SIGLEC14: variants seen among roughly 807,000 people sequenced by gnomAD.
SIGLEC14 encodes the protein sialic acid-binding Ig-like lectin 14.
SIGLEC14 carries 11 observed loss-of-function variants against 34.2 expected under a neutral mutation model. The observed-to-expected ratio is 0.32, with a 90% CI of 0.20 to 0.53. The LOEUF (loss-of-function observed/expected upper bound fraction) is 0.53, where lower values mean the gene tolerates loss of function less well. SIGLEC14 is among the 20% of genes least tolerant of loss of function. The pLI, the probability that SIGLEC14 is intolerant of heterozygous loss-of-function variation, is 0.95. For synonymous variants in SIGLEC14, 99 were observed against 179.7 expected (o/e 0.55, Z 3.59); for missense variants, 264 against 439.0 (o/e 0.60, Z 3.56).
Position 51,643,266 on chromosome 19 carries a change from G to T in SIGLEC14, c.*89C>A. The T allele has an allele frequency of 7.9e-7, 1 of 1,258,702 alleles. No individual in the cohort carries two copies. The highest frequency in any genetic ancestry group is 1.1e-6 in the Non-Finnish European group (1 of 904,734). The allele number at this position is 1,258,702 out of a possible 1,614,324, so 78.0% of individuals were successfully genotyped here. A position where few individuals can be genotyped will look rare whatever the true frequency, so the allele number is the denominator to read the frequency against. ...AAGAGGGGTAGTCAGTGGGATGTGA[G>T]CTTCCAGAAAGAAGCTGACAGTGAT... On this transcript the variant is annotated 3_prime_UTR_variant, in exon 7 of 7. Transcript: ENST00000360844.
chr19:51,644,919 T>G (rs1983999096), intron 4 of SIGLEC14, among the ~76,000 whole-genome samples: 2 of 133,248 alleles, frequency 1.5e-5, no homozygotes, highest in African/African-American at 2.9e-5. Context: ...CTGTGGGAGG[T>G]GGGAAAGTCG....
Position 51,644,233 on chromosome 19 carries a change from T to C in SIGLEC14, c.755-197A>G, listed in dbSNP as rs187760752. Among the ~76,000 whole-genome samples, 21 of 137,636 alleles carry C rather than the reference T, an allele frequency of 1.5e-4. 6 individuals are homozygous for C. The highest frequency in any genetic ancestry group is 2.6e-4 in the Non-Finnish European group (17 of 64,458). The allele number at this position is 137,636 out of a possible 152,430, so 90.3% of individuals were successfully genotyped here. ...GGTGGCTGAGCTGAGAAAAGACAGA[T>C]GAGGAGGAGTTCTCACATTAAGGAG... On this transcript the variant is annotated intron_variant, in intron 4 of 6. Transcript: ENST00000360844.
Position 51,641,836 on chromosome 19 carries a change from T to G in SIGLEC14, c.*1519A>C, listed in dbSNP as rs116470803. Among the ~76,000 whole-genome samples the G allele has an allele frequency of 0.028, 3,942 of 138,408 alleles. 832 individuals are homozygous for G. The highest frequency in any genetic ancestry group is 0.1 in the African/African-American group (3,733 of 36,252). 90.8% of individuals were successfully genotyped at this position (138,408 alleles called of 152,430 possible). On this transcript the variant is annotated 3_prime_UTR_variant, in exon 7 of 7. Coordinates refer to ENST00000360844, the MANE Select transcript of SIGLEC14 (RefSeq NM_001098612.3). ...GGGAGAGGATGAGGAAAATAACTAATGGGTACTAGGCTTAATATCTGGGTG... is the reference window on the plus strand; with the variant it reads ...GGGAGAGGATGAGGAAAATAACTAAGGGGTACTAGGCTTAATATCTGGGTG...
chr19:51,645,671 T>A lies in SIGLEC14; in HGVS notation c.700+111A>T. Reference sequence around the variant, plus strand: ...CTGCCCACACACGAGTTTTCCCTGGTTATCATTCTCTTTCTCTCTCTCTCT... The same window carrying A: ...CTGCCCACACACGAGTTTTCCCTGGATATCATTCTCTTTCTCTCTCTCTCT... On this transcript the variant is annotated intron_variant, in intron 3 of 6. Coordinates refer to ENST00000360844, the MANE Select transcript of SIGLEC14 (RefSeq NM_001098612.3). The A allele has an allele frequency of 2.8e-6, 4 of 1,437,402 alleles. 1 individual carries two copies. The highest frequency in any genetic ancestry group is 3.7e-6 in the Non-Finnish European group (4 of 1,074,056). 89.0% of individuals were successfully genotyped at this position (1,437,402 alleles called of 1,614,324 possible).
rs1035956463 is a variant in SIGLEC14, at chr19:51,641,398, C to G, written c.*1957G>C. 2.2e-5 allele frequency among the ~76,000 whole-genome samples: 3 copies of G among 139,052 alleles called. No homozygotes were observed. The highest frequency in any genetic ancestry group is 8.2e-5 in the African/African-American group (3 of 36,576). 91.2% of individuals were successfully genotyped at this position (139,052 alleles called of 152,430 possible). A position where few individuals can be genotyped will look rare whatever the true frequency, so the allele number is the denominator to read the frequency against. On this transcript the variant is annotated 3_prime_UTR_variant, in exon 7 of 7. Transcript: ENST00000360844. ...GACAGTGTGGCGATTCCTCAAAGAC[C>G]TAAACATAGAAATACCATTCGACTC...
chr19:51,643,916 G>T lies in SIGLEC14; in HGVS notation c.875C>A (p.Ala292Asp). ...CATTGAGGTCTGGGAAGGATTGAGG[G>T]CTTTTCCCTCCCGGAACCAGCTCAG... ...ASLSWFREGK[A>D]LNPSQTSMSG... is the part of the protein sequence containing the mutation. Residue 292 changes from alanine to aspartate, a missense_variant, in exon 5 of 7, where the codon GCC (alanine) becomes GAC (aspartate). Coordinates refer to ENST00000360844, the MANE Select transcript of SIGLEC14 (RefSeq NM_001098612.3). 1 of 1,534,228 alleles carries T rather than the reference G, an allele frequency of 6.5e-7. No individual in the cohort carries two copies. The highest frequency in any genetic ancestry group is 8.8e-7 in the Non-Finnish European group (1 of 1,141,754).
At chr19:51,644,814 C>G (rs1983997028) in intron 4 of SIGLEC14, among the ~76,000 whole-genome samples, 1 of 137,154 alleles carries the variant, frequency 7.3e-6, no homozygotes, top group African/African-American at 2.8e-5. Flanking sequence ...AGAGAAAGGG[C>G]TGGATATAAA....
chr19:51,644,113 G>A (rs1983977843), intron 4 of SIGLEC14, 77 bp from the exon 5 acceptor site: 1 of 1,369,672 alleles, frequency 7.3e-7, no homozygotes, highest in Non-Finnish European at 9.6e-7. Context: ...TGAGCTGCAA[G>A]AAGAAAGACA....
chr19:51,640,346 A>G lies in SIGLEC14; in HGVS notation c.*3009T>C, dbSNP rs1331397632. Among the ~76,000 whole-genome samples the G allele has an allele frequency of 2.9e-5, 4 of 139,366 alleles. No homozygotes were observed. Among genetic ancestry groups the G allele is most frequent in the Non-Finnish European group, 6.2e-5 (4 of 65,038 alleles). 91.4% of individuals were successfully genotyped at this position (139,366 alleles called of 152,430 possible). ...TTTATTCCAATGGTAGGTCAGAGCT[A>G]CAGTGCAGAAAGTGGCTGCTAAAAT... On this transcript the variant is annotated 3_prime_UTR_variant, in exon 7 of 7. Transcript: ENST00000360844.
rs1335594730 is a variant in SIGLEC14, at chr19:51,645,900, G to T, written c.582C>A (p.Arg194=). The T allele has an allele frequency of 1.3e-6, 2 of 1,513,102 alleles. 1 individual carries two copies. Among genetic ancestry groups the T allele is most frequent in the African/African-American group, 3.2e-5 (2 of 63,030 alleles). 93.7% of individuals were successfully genotyped at this position (1,513,102 alleles called of 1,614,324 possible). ...TGGGGGTGAGGGTGAGCTCCGAGGA[G>T]CGGGTGGTCTCGGGGTCCAGGGGGC... ...ALSPLDPETT[R]SSELTLTPRP... The change falls in exon 3 of 7, where the codon CGC becomes CGA. Residue 194 remains arginine, a synonymous_variant. Coordinates refer to ENST00000360844, the MANE Select transcript of SIGLEC14 (RefSeq NM_001098612.3).
In SIGLEC14 at chr19:51,645,189, T is replaced by C. The variant is rs1350421827; in HGVS notation, c.754+288A>G. ...GCAACAATGTGAACACATTTAACAC[T>C]GCTGAACTGTACTCTTTAAAATGGC... On this transcript the variant is annotated intron_variant, in intron 4 of 6. Transcript: ENST00000360844. 2.9e-5 allele frequency among the ~76,000 whole-genome samples: 4 copies of C among 139,596 alleles called. 1 individual carries two copies. 91.6% of individuals were successfully genotyped at this position (139,596 alleles called of 152,430 possible). A position where few individuals can be genotyped will look rare whatever the true frequency, so the allele number is the denominator to read the frequency against.
intron 6 of SIGLEC14, 54 bp downstream of exon 6, chr19:51,643,483 G>GGGGCCCCCCCCCCC: frequency 7.7e-7 from 1 of 1,297,880 alleles, no homozygotes; most frequent in Non-Finnish European, 1.0e-6. Context: ...GGGCAGGACA[G>GGGGCCCCCCCCCCC]CTCAGCCCCA....
At chr19:51,644,319 A>G (rs889672041) in intron 4 of SIGLEC14, among the ~76,000 whole-genome samples, 1 of 137,656 alleles carries the variant, frequency 7.3e-6, no homozygotes, top group Admixed American at 7.0e-5. Context: ...ACGAGGAAAG[A>G]GGCTCCTAGA....
At position 51,644,630 on chromosome 19, in the gene SIGLEC14, G is replaced by T. The variant is rs192644257; in HGVS notation, c.755-594C>A. Among the ~76,000 whole-genome samples, 326 of 137,132 alleles carry T rather than the reference G, an allele frequency of 2.4e-3. 49 individuals carry two copies. The highest frequency in any genetic ancestry group is 8.3e-3 in the African/African-American group (299 of 35,848). 90.0% of individuals were successfully genotyped at this position (137,132 alleles called of 152,430 possible). ...GAGCTGGGCCTGGAACCAAGGGGAT[G>T]AGGAGGGAAGTGATGATTGGTGAAG... On this transcript the variant is annotated intron_variant, in intron 4 of 6. Transcript: ENST00000360844.
At chr19:51,645,233 G>A (rs1051615218) in intron 4 of SIGLEC14, among the ~76,000 whole-genome samples, 1 of 139,464 alleles carries the variant, frequency 7.2e-6, no homozygotes, top group Non-Finnish European at 1.5e-5. Flanking sequence ...CAAATTTTGT[G>A]CTATGTGTAT....
intron 5 of SIGLEC14, 27 bp downstream of exon 5, chr19:51,643,752 A>G: frequency 6.6e-7 from 1 of 1,510,836 alleles, no homozygotes; most frequent in Non-Finnish European, 8.9e-7. Context: ...CGGGCTGTCT[A>G]CCCTCAGCAC....
In SIGLEC14 at chr19:51,643,289, G is replaced by T; in HGVS notation, c.*66C>A. The T allele has an allele frequency of 7.3e-7, 1 of 1,378,762 alleles. No homozygotes were observed. Among genetic ancestry groups the T allele is most frequent in the Non-Finnish European group, 9.9e-7 (1 of 1,009,158 alleles). The allele number at this position is 1,378,762 out of a possible 1,614,324, so 85.4% of individuals were successfully genotyped here. On this transcript the variant is annotated 3_prime_UTR_variant, in exon 7 of 7. Coordinates refer to ENST00000360844, the MANE Select transcript of SIGLEC14 (RefSeq NM_001098612.3). ...GAGCTTCCAGAAAGAAGCTGACAGTGATGTCCTGCATGTGTCCCACAGGGC... is the reference window on the plus strand; with the variant it reads ...GAGCTTCCAGAAAGAAGCTGACAGTTATGTCCTGCATGTGTCCCACAGGGC...
At position 51,643,436 on chromosome 19, in the gene SIGLEC14, C is replaced by A. The variant is rs1983953942; in HGVS notation, c.1149-39G>T. 2 of 1,439,148 alleles carry A rather than the reference C, an allele frequency of 1.4e-6. 1 individual carries two copies. The highest frequency in any genetic ancestry group is 3.3e-5 in the African/African-American group (2 of 60,118). 89.1% of individuals were successfully genotyped at this position (1,439,148 alleles called of 1,614,324 possible). ...ATGGGCCTCAGATCAGCACCAGCCA[C>A]TTCAGTTCTAATTCCAGGTGGGGCT... On this transcript the variant is annotated intron_variant, in intron 6 of 6. Transcript: ENST00000360844.
At position 51,646,652 on chromosome 19, in the gene SIGLEC14, C is replaced by T. The variant is rs1292620067; in HGVS notation, c.38-12G>A. 3.6e-6 allele frequency: 2 copies of T among 551,760 alleles called. No individual in the cohort carries two copies. Among genetic ancestry groups the T allele is most frequent in the Non-Finnish European group, 5.9e-6 (2 of 339,824 alleles). The allele number at this position is 551,760 out of a possible 1,614,324, so 34.2% of individuals were successfully genotyped here. ...CTCCTGCAGGGACCCTGGGGGGACA[C>T]AGAAGCTCAGCTGCAGCTCCAGCCC... On this transcript the variant is annotated splice_polypyrimidine_tract_variant and intron_variant, in intron 1 of 6. Coordinates refer to ENST00000360844, the MANE Select transcript of SIGLEC14 (RefSeq NM_001098612.3).
Sources: allele counts gnomAD v4.1 joint callset (sites outside exome capture counted in the v4.1 genomes callset), GRCh38; gene constraint gnomAD v4.1.1; transcripts MANE v1.5; gene names NCBI Gene and HGNC (gene_info 2026-07-23, HGNC 2026-07-21).